The following CTTN variants were observed in gnomAD, a reference collection of about 807,000 sequenced individuals.
The protein encoded by CTTN is src substrate cortactin.
In CTTN, 28 loss-of-function variants were observed where a neutral mutation model predicts 84.0. That is an observed-to-expected ratio of 0.33 (90% confidence interval 0.25 to 0.46). The LOEUF (loss-of-function observed/expected upper bound fraction) is 0.46, where lower values mean the gene tolerates loss of function less well. Among genes scored for constraint, CTTN ranks in the 20% least tolerant of loss-of-function variants. The pLI, the probability that CTTN is intolerant of heterozygous loss-of-function variation, is 1.00. For missense variants in CTTN, 641 were observed against 723.8 expected, an observed-to-expected ratio of 0.89 and a Z score of 1.31; for synonymous variants, 301 against 288.8, an observed-to-expected ratio of 1.04 and a Z score of -0.43.
At chr11:70,420,014 C>T (rs2058212162) in intron 9 of CTTN, 158 bp downstream of exon 9, 1 of 642,150 alleles carries the variant, frequency 1.6e-6, no homozygotes, top group East Asian at 2.8e-5. Flanking sequence ...TCCAGAAACA[C>T]AGCTGCTAAA....
At chr11:70,430,483 C>G (rs1378533253) in intron 14 of CTTN, among the ~76,000 whole-genome samples, 1 of 152,200 alleles carries the variant, frequency 6.6e-6, no homozygotes, top group Non-Finnish European at 1.5e-5. Flanking sequence ...GTCACCGCCC[C>G]TCCTCTGTCC....
intron 12 of CTTN, 85 bp downstream of exon 12, chr11:70,423,080 C>T (rs12224103): frequency 1.9e-5 from 28 of 1,507,354 alleles, no homozygotes; most frequent in East Asian, 1.6e-4. Flanking sequence ...CCAACATCCA[C>T]GCGCTGGGGT....
At chr11:70,414,873 C>T (rs1201134116) in intron 6 of CTTN, among the ~76,000 whole-genome samples, 3 of 152,176 alleles carry the variant, frequency 2.0e-5, no homozygotes, top group Admixed American at 6.5e-5. Flanking sequence ...TGCGGTCGCT[C>T]TTCACTACGT....
At position 70,421,586 on chromosome 11, in the gene CTTN, G is replaced by A. The variant is rs777147969; in HGVS notation, c.901+6G>A. On this transcript the variant is annotated splice_donor_region_variant and intron_variant, in intron 11 of 17. Transcript: ENST00000301843. ...CAAGCACGAGTCCCAGCAAGGCACA[G>A]TTGCCACCAGCCTCCTACCCTCCCC... The A allele has an allele frequency of 6.2e-7, 1 of 1,605,922 alleles. No individual in the cohort carries two copies. The highest frequency in any genetic ancestry group is 2.2e-5 in the East Asian group (1 of 44,850).
At chr11:70,410,180 G>A (rs887763409) in intron 5 of CTTN, 6 of 476,396 alleles carry the variant, frequency 1.3e-5, no homozygotes, top group Admixed American at 3.3e-5. Context: ...GCTGGAGCAC[G>A]GGTGTTAGTG....
In CTTN at chr11:70,426,564, C is replaced by T. The variant is rs570345005; in HGVS notation, c.1027+1163C>T. Among the ~76,000 whole-genome samples the T allele has an allele frequency of 2.4e-4, 36 of 152,024 alleles. 1 individual carries two copies. The highest frequency in any genetic ancestry group is 8.2e-4 in the African/African-American group (34 of 41,472). On this transcript the variant is annotated intron_variant, in intron 13 of 17. Coordinates refer to ENST00000301843, the MANE Select transcript of CTTN (RefSeq NM_005231.4). ...CCTCTGGAGTAGCTGGAACTATAAG[C>T]GCATGCCCCCTGCCCAGTTAAATTT... is the stretch of plus-strand genomic sequence containing the variant.
rs547396097 is a variant in CTTN, at chr11:70,403,433, C to T, written c.-97-1832C>T. 6.6e-5 allele frequency among the ~76,000 whole-genome samples: 10 copies of T among 152,166 alleles called. No homozygotes were observed. The East Asian group carries it at 1.4e-3, about 21-fold the overall frequency. Reference sequence around the variant, plus strand: ...CGATCTCTTGACCTAGTAATCCGCCCGCCTCGGCCTCCGAAAGTGCTGGGA... The same window carrying T: ...CGATCTCTTGACCTAGTAATCCGCCTGCCTCGGCCTCCGAAAGTGCTGGGA... On this transcript the variant is annotated intron_variant, in intron 1 of 17. Coordinates refer to ENST00000301843, the MANE Select transcript of CTTN (RefSeq NM_005231.4).
intron 13 of CTTN, 79 bp from the exon 14 acceptor site, chr11:70,428,972 T>C: frequency 6.4e-7 from 1 of 1,554,722 alleles, no homozygotes; most frequent in Admixed American, 1.7e-5. Context: ...GGGAGGTCAC[T>C]CTGTGTGGGT....
chr11:70,426,280 G>A (rs2058299488), intron 13 of CTTN, among the ~76,000 whole-genome samples: 1 of 152,000 alleles, frequency 6.6e-6, no homozygotes, highest in South Asian at 2.1e-4. Context: ...GCATGGTGGC[G>A]GGCGCCTGTA....
At position 70,435,530 on chromosome 11, in the gene CTTN, C is replaced by G; in HGVS notation, c.*368C>G. ...CGTGCCCATCAAGTGCAGTCGGGAC[C>G]TCCCAGGACAAGCACGAGGCCTCAG... On this transcript the variant is annotated 3_prime_UTR_variant, in exon 18 of 18. Transcript: ENST00000301843. 1 of 1,564,452 alleles carries G rather than the reference C, an allele frequency of 6.4e-7. No homozygotes were observed. Among genetic ancestry groups the G allele is most frequent in the Non-Finnish European group, 8.6e-7 (1 of 1,162,642 alleles).
intron 12 of CTTN, among the ~76,000 whole-genome samples, chr11:70,424,227 G>A (rs1037527825): frequency 4.6e-5 from 7 of 152,144 alleles, no homozygotes; most frequent in African/African-American, 1.7e-4. Flanking sequence ...TGGGACAGAC[G>A]GAGGGAAGGA....
Position 70,401,826 on chromosome 11 carries a change from C to T in CTTN, c.-98+3212C>T, listed in dbSNP as rs1335167117. On this transcript the variant is annotated intron_variant, in intron 1 of 17. Coordinates refer to ENST00000301843, the MANE Select transcript of CTTN (RefSeq NM_005231.4). The stretch of plus-strand genomic sequence containing the variant: ...TCTAGCCTGGGCCACAGTGCAAGAC[C>T]CTGTCTCAGAAAAAAAAAAGAAAAA... Among the ~76,000 whole-genome samples, 6 of 150,302 alleles carry T rather than the reference C, an allele frequency of 4.0e-5. No homozygotes were observed. The East Asian group carries it at 9.9e-4, about 25-fold the overall frequency.
intron 8 of CTTN, among the ~76,000 whole-genome samples, chr11:70,418,439 C>T (rs2058189679): frequency 6.6e-6 from 1 of 152,260 alleles, no homozygotes; most frequent in African/African-American, 2.4e-5. Context: ...GGCCGAGCAC[C>T]TGGGCAGACG....
At chr11:70,407,754 ATGTGTATT>A (rs1445426517) in intron 4 of CTTN, 163 bp downstream of exon 4, 3 of 610,248 alleles carry the variant, frequency 4.9e-6, no homozygotes, top group Non-Finnish European at 8.6e-6. Context: ...ACACACATAT[ATGTGTATT>A]TGTGTAATGT....
At chr11:70,399,852 G>C (rs1022817933) in intron 1 of CTTN, among the ~76,000 whole-genome samples, 1 of 152,130 alleles carries the variant, frequency 6.6e-6, no homozygotes, top group South Asian at 2.1e-4. Flanking sequence ...GGCTCTGTCG[G>C]GGGGACTTCA....
At chr11:70,403,186 C>CTTTTTT (rs1209259210) in intron 1 of CTTN, among the ~76,000 whole-genome samples, 5 of 114,700 alleles carry the variant, frequency 4.4e-5, no homozygotes, top group Non-Finnish European at 8.9e-5. Flanking sequence ...ATAAGAGTTC[C>CTTTTTT]TTTTTTTTTT....
At chr11:70,423,201 C>G (rs2058261716) in intron 12 of CTTN, among the ~76,000 whole-genome samples, 1 of 152,168 alleles carries the variant, frequency 6.6e-6, no homozygotes, top group African/African-American at 2.4e-5. Context: ...ACCGGCCCAC[C>G]TCCTAACTGG....
intron 6 of CTTN, among the ~76,000 whole-genome samples, 155 bp downstream of exon 6, chr11:70,414,807 A>G (rs1234295301): frequency 1.3e-5 from 2 of 152,100 alleles, no homozygotes; most frequent in Non-Finnish European, 2.9e-5. Flanking sequence ...ATGCTCTGAG[A>G]GCCTGGGCTC....
In CTTN at chr11:70,435,207, A is replaced by G. The variant is rs1283043554; in HGVS notation, c.*45A>G. ...GAGCTGCGCCCTGGATCCTCACACT[A>G]CAGATCAGGCCTTCTTTGGTTCTTG... On this transcript the variant is annotated 3_prime_UTR_variant, in exon 18 of 18. Transcript: ENST00000301843. 1 of 1,535,184 alleles carries G rather than the reference A, an allele frequency of 6.5e-7. No homozygotes were observed. Among genetic ancestry groups the G allele is most frequent in the Non-Finnish European group, 8.7e-7 (1 of 1,153,224 alleles).
Sources: gnomAD v4.1 joint callset for allele counts (sites outside exome capture counted in the v4.1 genomes callset) on GRCh38, gnomAD v4.1.1 for gene constraint, MANE v1.5 for transcripts, NCBI Gene and HGNC (gene_info 2026-07-23, HGNC 2026-07-21) for gene names.